Variants in AGBL1 observed in about 807,000 individuals in gnomAD.
AGBL1 encodes the protein AGBL carboxypeptidase 1.
A neutral mutation model predicts 118.9 loss-of-function variants in AGBL1; 130 were observed. The observed-to-expected ratio is 1.09, with a 90% CI of 0.95 to 1.26. The LOEUF is 1.26. Among genes scored for constraint, AGBL1 ranks in the 50% most tolerant of loss-of-function variants. The pLI, the probability that AGBL1 is intolerant of heterozygous loss-of-function variation, is 0.00. For synonymous variants in AGBL1, 555 were observed against 478.9 expected, an observed-to-expected ratio of 1.16 and a Z score of -2.08; for missense variants, 1,584 against 1,298.1, an observed-to-expected ratio of 1.22 and a Z score of -3.38.
chr15:86,227,926 T>A (rs916441549), intron 6 of AGBL1, among the ~76,000 whole-genome samples: 17 of 152,204 alleles, frequency 1.1e-4, no homozygotes, highest in Admixed American at 6.5e-4. Context: ...GGTAGGAGAA[T>A]TCTGAGATCA....
chr15:86,840,232 T>C (rs1422544190), intron 22 of AGBL1, among the ~76,000 whole-genome samples: 1 of 152,202 alleles, frequency 6.6e-6, no homozygotes, highest in Non-Finnish European at 1.5e-5. Context: ...CTCTTAACAC[T>C]TTAACTAGAG....
intron 22 of AGBL1, among the ~76,000 whole-genome samples, chr15:86,797,361 T>C (rs947073317): frequency 2.6e-5 from 4 of 152,214 alleles, no homozygotes; most frequent in African/African-American, 9.6e-5. Flanking sequence ...TGTGTCTTCA[T>C]GCTCTAAGAA....
intron 21 of AGBL1, among the ~76,000 whole-genome samples, chr15:86,584,060 G>A (rs772551067): frequency 5.3e-5 from 8 of 151,970 alleles, no homozygotes; most frequent in Non-Finnish European, 1.2e-4. Context: ...GTTAGATTAA[G>A]TTCCTTGTAA....
intron 22 of AGBL1, among the ~76,000 whole-genome samples, chr15:86,882,857 C>G (rs1458387984): frequency 1.3e-5 from 2 of 152,120 alleles, no homozygotes; most frequent in Non-Finnish European, 2.9e-5. Flanking sequence ...TCTTTTCTCT[C>G]TTTTCTTTTT....
intron 22 of AGBL1, among the ~76,000 whole-genome samples, chr15:86,680,565 C>CTTTTTTTTTTTTTTTTTTTTTTT (rs34873609): frequency 3.2e-5 from 3 of 94,680 alleles, no homozygotes; most frequent in African/African-American, 4.3e-5. Flanking sequence ...TCTTTCTTTT[C>CTTTTTTTTTTTTTTTTTTTTTTT]TTTTTTTTTT....
intron 22 of AGBL1, among the ~76,000 whole-genome samples, chr15:86,811,593 A>G (rs991219398): frequency 8.5e-5 from 13 of 152,170 alleles, no homozygotes; most frequent in Non-Finnish European, 1.9e-4. Flanking sequence ...ATTGCAGTTG[A>G]ATATTTAAGA....
At chr15:86,295,104 G>C (rs956675495) in intron 16 of AGBL1, 151 bp from the exon 17 acceptor site, 1 of 826,976 alleles carries the variant, frequency 1.2e-6, no homozygotes, top group Non-Finnish European at 1.9e-6. Flanking sequence ...AGTAGAAATA[G>C]CCCCCTTTTA....
At chr15:86,413,162 C>T (rs527417137) in intron 18 of AGBL1, among the ~76,000 whole-genome samples, 2 of 152,214 alleles carry the variant, frequency 1.3e-5, no homozygotes, top group African/African-American at 2.4e-5. Flanking sequence ...ACCGGCCCCA[C>T]CCTTTCTTTA....
Position 86,554,538 on chromosome 15 carries a change from G to GT in AGBL1, c.2994+2dup. On this transcript the variant is annotated splice_donor_variant, in intron 21 of 22. Transcript: ENST00000614907. LOFTEE classifies it high-confidence loss of function. ...TGGCTGCAACCAGGGCCCTTATCAG[G>GT]TATGTGAGGCTGCAGGACACCCATA... 6.7e-7 allele frequency: 1 copy of GT among 1,502,052 alleles called. No individual in the cohort carries two copies. The highest frequency in any genetic ancestry group is 8.9e-7 in the Non-Finnish European group (1 of 1,127,586). The allele number at this position is 1,502,052 out of a possible 1,614,324, so 93.0% of individuals were successfully genotyped here.
At chr15:86,736,554 A>T (rs1433610700) in intron 22 of AGBL1, among the ~76,000 whole-genome samples, 6 of 152,186 alleles carry the variant, frequency 3.9e-5, no homozygotes, top group Non-Finnish European at 1.5e-5. Flanking sequence ...CAAGGCCACC[A>T]AGGCTATAAG....
At chr15:86,536,806 G>T (rs1318915707) in intron 19 of AGBL1, among the ~76,000 whole-genome samples, 1 of 152,176 alleles carries the variant, frequency 6.6e-6, no homozygotes, top group Non-Finnish European at 1.5e-5. Context: ...AGTGGAAATA[G>T]GTGAAAGCAA....
intron 3 of AGBL1, among the ~76,000 whole-genome samples, chr15:86,150,556 C>G (rs1279042226): frequency 6.6e-6 from 1 of 152,166 alleles, no homozygotes; most frequent in Non-Finnish European, 1.5e-5. Flanking sequence ...CACATACACC[C>G]TCCCAAGACT....
chr15:87,016,263 A>T (rs2081607227), intron 24 of AGBL1, among the ~76,000 whole-genome samples: 1 of 151,904 alleles, frequency 6.6e-6, no homozygotes, highest in Non-Finnish European at 1.5e-5. Flanking sequence ...GTCCCAGGTG[A>T]TTTATGTTCA....
chr15:86,278,681 G>A (rs966211072), intron 15 of AGBL1, among the ~76,000 whole-genome samples: 2 of 152,000 alleles, frequency 1.3e-5, no homozygotes, highest in Non-Finnish European at 2.9e-5. Context: ...GTAAGCCAAC[G>A]TTCTAAATGT....
At chr15:86,498,564 A>C (rs1427384858) in intron 18 of AGBL1, among the ~76,000 whole-genome samples, 1 of 151,958 alleles carries the variant, frequency 6.6e-6, no homozygotes. Flanking sequence ...TGACATTATG[A>C]GTAGATGGAA....
intron 5 of AGBL1, among the ~76,000 whole-genome samples, chr15:86,170,786 C>A (rs2077403041): frequency 6.6e-6 from 1 of 151,728 alleles, no homozygotes; most frequent in Admixed American, 6.6e-5. Flanking sequence ...ATGAATGTTG[C>A]AGTGAGCCGA....
intron 6 of AGBL1, among the ~76,000 whole-genome samples, chr15:86,244,115 C>G (rs549843699): frequency 1.5e-4 from 23 of 150,590 alleles, no homozygotes; most frequent in Admixed American, 1.3e-3. Flanking sequence ...AGACACTAAT[C>G]TATTTAGAAA....
At chr15:86,780,446 T>C (rs970193814) in intron 22 of AGBL1, among the ~76,000 whole-genome samples, 3 of 152,180 alleles carry the variant, frequency 2.0e-5, no homozygotes, top group Non-Finnish European at 2.9e-5. Context: ...CTTTGCCTTT[T>C]CTTGGCCATT....
intron 5 of AGBL1, among the ~76,000 whole-genome samples, chr15:86,162,377 A>G (rs540672687): frequency 6.6e-6 from 1 of 152,186 alleles, no homozygotes; most frequent in African/African-American, 2.4e-5. Context: ...TCTAGCAGGA[A>G]CCTAAAATTA....
Sources: allele counts gnomAD v4.1 joint callset (sites outside exome capture counted in the v4.1 genomes callset), GRCh38; gene constraint gnomAD v4.1.1; transcripts MANE v1.5; gene names NCBI Gene and HGNC (gene_info 2026-07-23, HGNC 2026-07-21).